COL4A1: variants seen among roughly 807,000 people sequenced by gnomAD.
COL4A1 encodes the protein collagen alpha-1(IV) chain.
A neutral mutation model predicts 216.6 loss-of-function variants in COL4A1; 40 were observed. That is an observed-to-expected ratio of 0.18 (90% CI 0.14 to 0.24). COL4A1 has a LOEUF of 0.24. Ranked by LOEUF, COL4A1 falls within the 10% of genes least tolerant of loss-of-function variation. The pLI is 1.00. For missense variants in COL4A1, 1,628 were observed against 2,196.8 expected, an observed-to-expected ratio of 0.74 and a Z score of 5.18; for synonymous variants, 839 against 810.7, an observed-to-expected ratio of 1.03 and a Z score of -0.59.
At position 110,268,448 on chromosome 13, in the gene COL4A1, G is replaced by T. The variant is rs558321077; in HGVS notation, c.85-25714C>A. Among the ~76,000 whole-genome samples, 18 of 152,188 alleles carry T rather than the reference G, an allele frequency of 1.2e-4. No individual in the cohort carries two copies. The highest frequency in any genetic ancestry group is 3.9e-4 in the Admixed American group (6 of 15,280). ...CTTTAGAGAGAAGGCAACCATCCTC[G>T]CCAGTCCAAGTGAGCTTTTAACAAA... On this transcript the variant is annotated intron_variant, in intron 1 of 51. Transcript: ENST00000375820. This position sits in a 1 kb window ranked among gnomAD's most constrained non-coding sequence, Gnocchi z 4.1.
intron 2 of COL4A1, among the ~76,000 whole-genome samples, chr13:110,219,660 ATG>A (rs1165281751): frequency 3.4e-5 from 4 of 119,292 alleles, no homozygotes; most frequent in East Asian, 4.3e-4. Flanking sequence ...ATATATATAT[ATG>A]TATATATATA....
At position 110,240,989 on chromosome 13, in the gene COL4A1, C is replaced by T. The variant is rs181520161; in HGVS notation, c.144+1686G>A. On this transcript the variant is annotated intron_variant, in intron 2 of 51. Coordinates refer to ENST00000375820, the MANE Select transcript of COL4A1 (RefSeq NM_001845.6). ...GGTTCAAGCAATTCTCCTGTCTCAACCTCCTGAGCAGCTGGGACTAGAGGT... is the reference window on the plus strand; with the variant it reads ...GGTTCAAGCAATTCTCCTGTCTCAATCTCCTGAGCAGCTGGGACTAGAGGT... Among the ~76,000 whole-genome samples the T allele has an allele frequency of 1.3e-3, 201 of 152,274 alleles. 1 individual carries two copies. The highest frequency in any genetic ancestry group is 4.3e-3 in the Admixed American group (66 of 15,300).
intron 51 of COL4A1, 133 bp from the exon 52 acceptor site, chr13:110,150,577 C>A (rs1876455712): frequency 1.2e-6 from 1 of 852,486 alleles, no homozygotes; most frequent in African/African-American, 1.7e-5. Flanking sequence ...CTGGTACCAC[C>A]CAGTGAGCAG....
In COL4A1 at chr13:110,224,343, G is replaced by A. The variant is rs757633311; in HGVS notation, c.145-10328C>T. Among the ~76,000 whole-genome samples the A allele has an allele frequency of 1.0e-3, 158 of 152,198 alleles. 2 individuals are homozygous for A. Among genetic ancestry groups the A allele is most frequent in the Non-Finnish European group, 4.4e-4 (30 of 68,040 alleles). Reference sequence around the variant, plus strand: ...AAGAAAAAAATATATATGTTTTTGAGATGGAGTCTTGCTCTGTCATCCAAG... The same window carrying A: ...AAGAAAAAAATATATATGTTTTTGAAATGGAGTCTTGCTCTGTCATCCAAG... On this transcript the variant is annotated intron_variant, in intron 2 of 51. Transcript: ENST00000375820.
rs527982026 is a variant in COL4A1 at position 110,276,156 on chromosome 13, G to A, written c.84+30788C>T. On this transcript the variant is annotated intron_variant, in intron 1 of 51. Transcript: ENST00000375820. Reference sequence around the variant, plus strand: ...AGATCATGGGAGAGGCCATGCGTGTGCCCGAGAAGAGGTACGTGGGAACTC... The same window carrying A: ...AGATCATGGGAGAGGCCATGCGTGTACCCGAGAAGAGGTACGTGGGAACTC... Among the ~76,000 whole-genome samples, 5 of 152,162 alleles carry A rather than the reference G, an allele frequency of 3.3e-5. No homozygotes were observed. The South Asian group carries it at 1.0e-3, about 32-fold the overall frequency.
chr13:110,197,413 G>T (rs1256555250), intron 21 of COL4A1, among the ~76,000 whole-genome samples: 1 of 152,160 alleles, frequency 6.6e-6, no homozygotes, highest in Non-Finnish European at 1.5e-5. Flanking sequence ...CCCGCTGAAT[G>T]AATCTGGAAC....
At chr13:110,205,200 A>C in intron 17 of COL4A1, 153 bp downstream of exon 17, 1 of 839,324 alleles carries the variant, frequency 1.2e-6, no homozygotes, top group Non-Finnish European at 1.9e-6. Flanking sequence ...TCATGAACAT[A>C]AAGGAAACCA....
chr13:110,235,416 T>C lies in COL4A1; in HGVS notation c.144+7259A>G, dbSNP rs944148542. On this transcript the variant is annotated intron_variant, in intron 2 of 51. Coordinates refer to ENST00000375820, the MANE Select transcript of COL4A1 (RefSeq NM_001845.6). ...CTGTAATCCCAGCACTTTGGGAGGC[T>C]GAGGCGGGCGGATCACAAGGTCAGG... 1.6e-4 allele frequency among the ~76,000 whole-genome samples: 25 copies of C among 152,272 alleles called. 1 individual carries two copies. The South Asian group carries it at 2.1e-3, about 13-fold the overall frequency.
chr13:110,175,727 T>C (rs1322779373), intron 36 of COL4A1, among the ~76,000 whole-genome samples: 1 of 152,344 alleles, frequency 6.6e-6, no homozygotes, highest in African/African-American at 2.4e-5. Context: ...TCACAGGGAC[T>C]ATGAGGCGGG....
intron 19 of COL4A1, 126 bp downstream of exon 19, chr13:110,201,309 GAGA>G (rs1566369776): frequency 6.3e-6 from 4 of 632,796 alleles, no homozygotes; most frequent in African/African-American, 5.7e-5. Flanking sequence ...GGCGGAGGAA[GAGA>G]AGGAGGGGGA....
Position 110,176,972 on chromosome 13 carries a change from C to T in COL4A1, c.2782G>A (p.Asp928Asn). The T allele has an allele frequency of 6.2e-7, 1 of 1,614,134 alleles. No individual in the cohort carries two copies. The highest frequency in any genetic ancestry group is 8.5e-7 in the Non-Finnish European group (1 of 1,180,028). The change falls in exon 34 of 52, where the codon GAT (aspartate) becomes AAT (asparagine). Residue 928 changes from aspartate (D) to asparagine (N), a missense_variant. Transcript: ENST00000375820. ...GDPGLKGDKG[D>N]VGLPGKPGSM... ...CCAGGCTTGCCAGGGAGACCGACAT[C>T]CCCCTTATCACCTTTCAAGCCAGGG...
intron 1 of COL4A1, among the ~76,000 whole-genome samples, chr13:110,281,264 C>G (rs1883624756): frequency 6.6e-6 from 1 of 152,242 alleles, no homozygotes; most frequent in African/African-American, 2.4e-5. Flanking sequence ...CCATCTCCTA[C>G]AGCCAGAATT....
At chr13:110,199,031 T>C (rs1419579586) in intron 20 of COL4A1, among the ~76,000 whole-genome samples, 1 of 152,172 alleles carries the variant, frequency 6.6e-6, no homozygotes. Context: ...GTTGGCAATC[T>C]AGAAGAAAGA....
chr13:110,250,807 G>C (rs886864624), intron 1 of COL4A1, among the ~76,000 whole-genome samples: 1 of 152,194 alleles, frequency 6.6e-6, no homozygotes, highest in Admixed American at 6.5e-5. Context: ...GTGGGGCAAG[G>C]CCAGTGCGTC....
At position 110,168,418 on chromosome 13, in the gene COL4A1, A is replaced by G. The variant is rs551922316; in HGVS notation, c.3877-1188T>C. Among the ~76,000 whole-genome samples, 22 of 152,380 alleles carry G rather than the reference A, an allele frequency of 1.4e-4. No homozygotes were observed. The South Asian group carries it at 4.1e-3, about 29-fold the overall frequency. ...ATTACTGGAAAACTGCAATATAGCA[A>G]TAGGGGCCCAAAAATACATTCACAT... On this transcript the variant is annotated intron_variant, in intron 43 of 51. Coordinates refer to ENST00000375820, the MANE Select transcript of COL4A1 (RefSeq NM_001845.6).
chr13:110,183,839 C>T (rs1878287519), intron 26 of COL4A1, among the ~76,000 whole-genome samples: 1 of 152,234 alleles, frequency 6.6e-6, no homozygotes, highest in Admixed American at 6.5e-5. Context: ...CCAGGAAGCA[C>T]AGCCCCGGCC....
intron 2 of COL4A1, among the ~76,000 whole-genome samples, chr13:110,227,415 CACACACACACAA>C (rs1287907329): frequency 8.2e-4 from 120 of 146,520 alleles, no homozygotes; most frequent in African/African-American, 2.0e-3. Context: ...CACACACACA[CACACACACACAA>C]ACACACACAA....
chr13:110,219,651 T>A (rs1016304346), intron 2 of COL4A1, among the ~76,000 whole-genome samples: 1 of 118,436 alleles, frequency 8.4e-6, no homozygotes, highest in Non-Finnish European at 1.7e-5. Context: ...GTTGAAAATA[T>A]ATATATATAT....
intron 1 of COL4A1, among the ~76,000 whole-genome samples, chr13:110,259,748 T>G (rs1882739822): frequency 6.6e-6 from 1 of 152,208 alleles, no homozygotes; most frequent in East Asian, 1.9e-4. Flanking sequence ...CTAATTTAAT[T>G]ATATTAATTT....
Sources: gnomAD v4.1 joint callset for allele counts (sites outside exome capture counted in the v4.1 genomes callset) on GRCh38, gnomAD v4.1.1 for gene constraint, Gnocchi (gnomAD v3.1) non-coding constraint, MANE v1.5 for transcripts, NCBI Gene and HGNC (gene_info 2026-07-23, HGNC 2026-07-21) for gene names.